ZDHHC11B: variants seen among roughly 807,000 people sequenced by gnomAD.
ZDHHC11B encodes probable palmitoyltransferase ZDHHC11B.
A neutral mutation model predicts 42.3 loss-of-function variants in ZDHHC11B; 17 were observed. That is an observed-to-expected ratio of 0.40 (90% CI 0.27 to 0.60). The LOEUF is 0.60. ZDHHC11B is among the 20% of genes least tolerant of loss of function. The pLI is 0.41. For synonymous variants in ZDHHC11B, 123 were observed against 193.5 expected, an observed-to-expected ratio of 0.64 and a Z score of 3.02; for missense variants, 262 against 463.2, an observed-to-expected ratio of 0.57 and a Z score of 3.99.
At chr5:713,279 C>T (rs2126939922) in intron 13 of ZDHHC11B, among the ~76,000 whole-genome samples, 1 of 152,070 alleles carries the variant, frequency 6.6e-6, no homozygotes, top group Non-Finnish European at 1.5e-5. Flanking sequence ...TTAAATCCAT[C>T]CACTTTAAAA....
intron 1 of ZDHHC11B, among the ~76,000 whole-genome samples, chr5:772,064 G>A (rs1736105655): frequency 6.6e-6 from 1 of 151,946 alleles, no homozygotes; most frequent in East Asian, 1.9e-4. Flanking sequence ...GAGGCCTTCA[G>A]TTGGGACAAG....
intron 1 of ZDHHC11B, among the ~76,000 whole-genome samples, chr5:770,514 C>T (rs1484376321): frequency 5.9e-5 from 9 of 151,620 alleles, no homozygotes; most frequent in Non-Finnish European, 1.2e-4. Flanking sequence ...GTTCCACTGT[C>T]CCTCCTGTGG....
intron 1 of ZDHHC11B, among the ~76,000 whole-genome samples, chr5:774,025 A>T (rs1294056962): frequency 6.6e-6 from 1 of 151,864 alleles, no homozygotes; most frequent in East Asian, 1.9e-4. Context: ...TGTCCGAAGC[A>T]TCCTCGCTGG....
rs776817074 is a variant in ZDHHC11B at position 716,826 on chromosome 5, A to G, written c.1098T>C (p.Ser366=). The change falls in exon 13 of 14, where the codon AGT becomes AGC. Residue 366 remains serine (S), a synonymous_variant. Transcript: ENST00000508859. ...QETTEPMKTD[S]AESED Reference sequence around the variant, plus strand: ...CCGAATCTCAGTCTTCACTTTCAGCACTGTCAGTTTTCATGGGCTCTGTTG... The same window carrying G: ...CCGAATCTCAGTCTTCACTTTCAGCGCTGTCAGTTTTCATGGGCTCTGTTG... 1 of 1,613,004 alleles carries G rather than the reference A, an allele frequency of 6.2e-7. No individual in the cohort carries two copies. The highest frequency in any genetic ancestry group is 8.5e-7 in the Non-Finnish European group (1 of 1,179,570).
chr5:729,660 A>C (rs1399436001), intron 12 of ZDHHC11B, among the ~76,000 whole-genome samples: 1 of 150,858 alleles, frequency 6.6e-6, no homozygotes, highest in African/African-American at 2.4e-5. Flanking sequence ...TTCTAGATGA[A>C]ACTTTAGTAG....
chr5:756,516 C>T (rs1360911438), intron 4 of ZDHHC11B, among the ~76,000 whole-genome samples: 1 of 151,498 alleles, frequency 6.6e-6, no homozygotes, highest in African/African-American at 2.4e-5. Context: ...TTGGTTCATC[C>T]CTGTTGGACA....
chr5:761,390 G>A (rs2150202815), intron 4 of ZDHHC11B, among the ~76,000 whole-genome samples: 1 of 151,990 alleles, frequency 6.6e-6, no homozygotes, highest in Non-Finnish European at 1.5e-5. Flanking sequence ...AGGTGGGGGA[G>A]GCCATCTAGG....
At chr5:772,383 T>C (rs1338276508) in intron 1 of ZDHHC11B, among the ~76,000 whole-genome samples, 5 of 147,980 alleles carry the variant, frequency 3.4e-5, no homozygotes, top group African/African-American at 1.2e-4. Context: ...GGTCAGACCA[T>C]CGCCGGATCT....
intron 2 of ZDHHC11B, among the ~76,000 whole-genome samples, 168 bp from the exon 3 acceptor site, chr5:767,692 G>A (rs973425354): frequency 8.5e-5 from 9 of 105,842 alleles, no homozygotes; most frequent in Non-Finnish European, 1.8e-4. Flanking sequence ...TTTTCCATGT[G>A]TAACCAGCAG....
intron 13 of ZDHHC11B, among the ~76,000 whole-genome samples, chr5:714,893 T>C (rs1250144360): frequency 2.0e-5 from 3 of 151,486 alleles, no homozygotes; most frequent in Non-Finnish European, 4.4e-5. Flanking sequence ...AGTGAGTTCA[T>C]GCTCTAGTAC....
In ZDHHC11B at chr5:751,792, G is replaced by C. The variant is rs145008706; in HGVS notation, c.504-535C>G. 4.8e-3 allele frequency among the ~76,000 whole-genome samples: 602 copies of C among 124,224 alleles called. 1 individual carries two copies. The highest frequency in any genetic ancestry group is 0.015 in the African/African-American group (579 of 38,548). The allele number at this position is 124,224 out of a possible 152,430, so 81.5% of individuals were successfully genotyped here. On this transcript the variant is annotated intron_variant, in intron 6 of 13. Coordinates refer to ENST00000508859, the MANE Select transcript of ZDHHC11B (RefSeq NM_001351303.2). The stretch of plus-strand genomic sequence containing the variant: ...TCTCGCTGGAGAGGGGTGGCCGTGG[G>C]ACATTCCCACCAGCACACCGCCTGA...
At chr5:742,016 G>A (rs1340143597) in intron 9 of ZDHHC11B, among the ~76,000 whole-genome samples, 1 of 135,072 alleles carries the variant, frequency 7.4e-6, no homozygotes, top group East Asian at 2.5e-4. Flanking sequence ...GTATCTGATT[G>A]TGGTTTTTAT....
At chr5:748,732 G>A (rs1745171735) in intron 7 of ZDHHC11B, among the ~76,000 whole-genome samples, 173 bp from the exon 8 acceptor site, 1 of 128,910 alleles carries the variant, frequency 7.8e-6, no homozygotes, top group Admixed American at 8.8e-5. Flanking sequence ...CATGGGCCCT[G>A]CTGACTGAGG....
chr5:767,172 C>T (rs1285334821), intron 3 of ZDHHC11B, among the ~76,000 whole-genome samples: 2 of 151,962 alleles, frequency 1.3e-5, no homozygotes, highest in African/African-American at 4.8e-5. Context: ...CGAGTGGCAA[C>T]AGAAAATGGC....
chr5:775,047 G>C (rs1465672043), intron 1 of ZDHHC11B, among the ~76,000 whole-genome samples: 1 of 151,936 alleles, frequency 6.6e-6, no homozygotes, highest in Non-Finnish European at 1.5e-5. Flanking sequence ...CATGGAGTCA[G>C]TGGGAGCTAC....
intron 4 of ZDHHC11B, among the ~76,000 whole-genome samples, chr5:762,877 T>C (rs1256872853): frequency 6.6e-6 from 1 of 151,520 alleles, no homozygotes; most frequent in Non-Finnish European, 1.5e-5. Flanking sequence ...AAGCTGACTC[T>C]TTTCAAGATC....
chr5:728,180 A>C (rs1413032260), intron 12 of ZDHHC11B, among the ~76,000 whole-genome samples: 1 of 151,962 alleles, frequency 6.6e-6, no homozygotes, highest in Admixed American at 6.6e-5. Flanking sequence ...TCTCATTAGT[A>C]ATAAGGAAAA....
At chr5:775,125 C>G (rs976138497) in intron 1 of ZDHHC11B, among the ~76,000 whole-genome samples, 2 of 151,978 alleles carry the variant, frequency 1.3e-5, no homozygotes, top group Admixed American at 6.6e-5. Context: ...CCTGCTCAGG[C>G]TCTGGCCTCC....
Position 756,138 on chromosome 5 carries a change from C to G in ZDHHC11B, c.229G>C (p.Gly77Arg). 1.4e-6 allele frequency: 2 copies of G among 1,399,482 alleles called. No individual in the cohort carries two copies. The highest frequency in any genetic ancestry group is 1.9e-6 in the Non-Finnish European group (2 of 1,048,598). The allele number at this position is 1,399,482 out of a possible 1,614,324, so 86.7% of individuals were successfully genotyped here. The change falls in exon 5 of 14, where the codon GGG becomes CGG. Residue 77 changes from glycine (G) to arginine (R), a missense_variant. Coordinates refer to ENST00000508859, the MANE Select transcript of ZDHHC11B (RefSeq NM_001351303.2). ...ACGAGGTGGAACGAGAAGATCCCCC[C>G]GGTCACCTGGCATGTCAAGGAAGAA... ...SWKYIAYVVT[G>R]GIFSFHLVVH...
Sources: gnomAD v4.1 joint callset for allele counts (sites outside exome capture counted in the v4.1 genomes callset) on GRCh38, gnomAD v4.1.1 for gene constraint, MANE v1.5 for transcripts, NCBI Gene and HGNC (gene_info 2026-07-23, HGNC 2026-07-21) for gene names.